CCDC125: variants seen among roughly 807,000 people sequenced by gnomAD.
The protein encoded by CCDC125 is coiled-coil domain-containing protein 125.
In CCDC125, 43 loss-of-function variants were observed where a neutral mutation model predicts 57.4. The observed-to-expected ratio is 0.75, with a 90% CI of 0.59 to 0.97. The LOEUF (loss-of-function observed/expected upper bound fraction) is 0.97. Among genes scored for constraint, CCDC125 ranks in the 50% least tolerant of loss-of-function variants. CCDC125 has a pLI of 0.00. For synonymous variants in CCDC125, 187 were observed against 195.2 expected (o/e 0.96, Z 0.35); for missense variants, 563 against 595.7 (o/e 0.95, Z 0.57).
At position 69,288,509 on chromosome 5, in the gene CCDC125, C is replaced by T. The variant is rs115904043; in HGVS notation, c.1100-3042G>A. ...CATGTGAGGTTCCTGAGGGGTGGTA[C>T]GCCAAAGAGAGCATCCCTTCCCACG... On this transcript the variant is annotated intron_variant, in intron 10 of 11. Coordinates refer to ENST00000396496, the MANE Select transcript of CCDC125 (RefSeq NM_176816.5). Among the ~76,000 whole-genome samples the T allele has an allele frequency of 2.0e-3, 301 of 152,260 alleles. 2 individuals are homozygous for T. The highest frequency in any genetic ancestry group is 3.3e-3 in the Admixed American group (50 of 15,294).
In CCDC125 at chr5:69,320,552, C is replaced by T. The variant is rs753476337; in HGVS notation, c.-12G>A. ...GCCACCTTGCTCATGAGCCAAATGC[C>T]GTCTTTATCATAAGAAAAAATGGGC... On this transcript the variant is annotated 5_prime_UTR_variant, in exon 2 of 12. Transcript: ENST00000396496. 12 of 1,577,664 alleles carry T rather than the reference C, an allele frequency of 7.6e-6. No individual in the cohort carries two copies. Among genetic ancestry groups the T allele is most frequent in the Middle Eastern group, 3.4e-4 (2 of 5,902 alleles).
At position 69,283,044 on chromosome 5, in the gene CCDC125, C is replaced by T; in HGVS notation, c.1231-10G>A. On this transcript the variant is annotated splice_polypyrimidine_tract_variant and intron_variant, in intron 11 of 11. Transcript: ENST00000396496. ...CTTCTTTATCATTAAGCTGCATGCA[C>T]AGAAATTAAACATGTACAAGTTAGT... is the stretch of plus-strand genomic sequence containing the variant. 1 of 1,566,394 alleles carries T rather than the reference C, an allele frequency of 6.4e-7. No homozygotes were observed. Among genetic ancestry groups the T allele is most frequent in the Non-Finnish European group, 8.6e-7 (1 of 1,161,142 alleles).
At chr5:69,323,999 A>C (rs1184949263) in intron 1 of CCDC125, among the ~76,000 whole-genome samples, 3 of 151,770 alleles carry the variant, frequency 2.0e-5, no homozygotes, top group African/African-American at 2.4e-5. Context: ...CATGTCTAAC[A>C]TTTTTCTCTA....
intron 9 of CCDC125, 100 bp from the exon 10 acceptor site, chr5:69,292,462 A>C: frequency 1.2e-6 from 1 of 838,790 alleles, no homozygotes; most frequent in Non-Finnish European, 1.9e-6. Context: ...ACTGCCTAGC[A>C]CTGGTTTATT....
intron 10 of CCDC125, among the ~76,000 whole-genome samples, chr5:69,286,188 C>CTATA (rs59035946): frequency 0.015 from 770 of 51,298 alleles, 12 homozygotes; most frequent in Non-Finnish European, 0.019. Context: ...AAATGGTAAA[C>CTATA]TATATATATA....
intron 9 of CCDC125, 143 bp downstream of exon 9, chr5:69,294,650 T>C (rs1755034829): frequency 1.4e-6 from 1 of 700,912 alleles, no homozygotes; most frequent in East Asian, 2.6e-5. Flanking sequence ...AGTTGATAAG[T>C]TGATGCTATC....
Position 69,327,259 on chromosome 5 carries a change from TA to T in CCDC125, c.-41+5389del, listed in dbSNP as rs539957254. On this transcript the variant is annotated intron_variant, in intron 1 of 11. Transcript: ENST00000396496. Reference sequence around the variant, plus strand: ...ACAGGTGCCCGCCACCACGCCCGGCTAATTTTTTGTATTTTTAGTAGAGATG... The same window carrying T: ...ACAGGTGCCCGCCACCACGCCCGGCTATTTTTTGTATTTTTAGTAGAGATG... 8.2e-3 allele frequency among the ~76,000 whole-genome samples: 1,244 copies of T among 152,020 alleles called. 8 individuals are homozygous for T. Among genetic ancestry groups the T allele is most frequent in the African/African-American group, 0.027 (1,122 of 41,452 alleles).
intron 1 of CCDC125, among the ~76,000 whole-genome samples, chr5:69,327,800 A>G (rs1325059307): frequency 6.6e-6 from 1 of 152,214 alleles, no homozygotes; most frequent in Non-Finnish European, 1.5e-5. Context: ...TCAATTGTCA[A>G]TTTAGGGGAC....
downstream of CCDC125, among the ~76,000 whole-genome samples, chr5:69,278,798 T>C (rs894477853): frequency 3.4e-5 from 5 of 147,568 alleles, no homozygotes; most frequent in African/African-American, 5.0e-5. Flanking sequence ...ACTCCTGGGC[T>C]CAAGCCATCC....
intron 7 of CCDC125, among the ~76,000 whole-genome samples, chr5:69,300,601 G>A (rs1227769649): frequency 6.6e-6 from 1 of 152,136 alleles, no homozygotes; most frequent in Non-Finnish European, 1.5e-5. Context: ...CTACTGGAGA[G>A]CAGAAAACAG....
intron 7 of CCDC125, among the ~76,000 whole-genome samples, chr5:69,301,093 C>CA (rs35499156): frequency 0.13 from 13,193 of 98,996 alleles, 940 homozygotes; most frequent in South Asian, 0.24. Context: ...GACTCCCTCT[C>CA]AAAAAAAAAA....
chr5:69,298,511 A>G (rs576249914), intron 8 of CCDC125, among the ~76,000 whole-genome samples: 1 of 152,318 alleles, frequency 6.6e-6, no homozygotes, highest in South Asian at 2.1e-4. Flanking sequence ...TCTGTGGCAG[A>G]AAGGTCTTTT....
chr5:69,294,852 A>AG lies in CCDC125; in HGVS notation c.864dup (p.Cys289LeufsTer28). ...GATGCTGCCATTCTGGCACAAGAAC[A>AG]GGGGTTCCCTCCGGGCCCATGACAA... On this transcript the variant is annotated frameshift_variant, in exon 9 of 12. Transcript: ENST00000396496. LOFTEE classifies it high-confidence loss of function. 1 of 1,614,222 alleles carries AG rather than the reference A, an allele frequency of 6.2e-7. No individual in the cohort carries two copies. Among genetic ancestry groups the AG allele is most frequent in the Middle Eastern group, 1.6e-4 (1 of 6,062 alleles).
At chr5:69,307,696 A>AG (rs67212944) in intron 5 of CCDC125, 10 of 421,788 alleles carry the variant, frequency 2.4e-5, no homozygotes, top group Admixed American at 7.7e-5. Flanking sequence ...AAAAAAAAAA[A>AG]GAAGAAGAAA....
At chr5:69,297,675 T>C (rs1755607968) in intron 8 of CCDC125, among the ~76,000 whole-genome samples, 1 of 150,614 alleles carries the variant, frequency 6.6e-6, no homozygotes, top group Non-Finnish European at 1.5e-5. Flanking sequence ...TTTTAAAGTT[T>C]CATATGGGCT....
intron 5 of CCDC125, 133 bp from the exon 6 acceptor site, chr5:69,307,035 TA>T: frequency 1.9e-6 from 2 of 1,067,476 alleles, no homozygotes; most frequent in Non-Finnish European, 2.4e-6. Context: ...ATTATTGCTC[TA>T]AAAGTATCTC....
At chr5:69,303,361 CTTTTT>C (rs1003180857) in intron 7 of CCDC125, among the ~76,000 whole-genome samples, 1 of 100,514 alleles carries the variant, frequency 9.9e-6, no homozygotes, top group African/African-American at 4.1e-5. Context: ...GAATTGTTCA[CTTTTT>C]TTTTTTTTTT....
chr5:69,326,175 C>G (rs1379123131), intron 1 of CCDC125, among the ~76,000 whole-genome samples: 1 of 152,124 alleles, frequency 6.6e-6, no homozygotes, highest in African/African-American at 2.4e-5. Flanking sequence ...GATGTCAGAG[C>G]CAACACTCTT....
At chr5:69,313,453 T>C (rs1758483173) in intron 3 of CCDC125, 7 of 1,305,542 alleles carry the variant, frequency 5.4e-6, no homozygotes, top group African/African-American at 1.4e-5. Context: ...GACCTCCTCA[T>C]AGTAGTTTGC....
Sources: allele counts gnomAD v4.1 joint callset (sites outside exome capture counted in the v4.1 genomes callset), GRCh38; gene constraint gnomAD v4.1.1; transcripts MANE v1.5; gene names NCBI Gene and HGNC (gene_info 2026-07-23, HGNC 2026-07-21).